Variants in KCNQ1 observed in about 807,000 individuals in gnomAD.
KCNQ1 encodes the protein potassium voltage-gated channel subfamily Q member 1, also known as potassium voltage-gated channel subfamily KQT member 1.
Under a neutral mutation model 72.4 loss-of-function variants are expected in KCNQ1, and 49 were observed. The observed-to-expected ratio is 0.68, with a 90% CI of 0.54 to 0.86. KCNQ1 has a LOEUF of 0.86. Among genes scored for constraint, KCNQ1 ranks in the 40% least tolerant of loss-of-function variants. KCNQ1 has a pLI of 0.00. For synonymous variants in KCNQ1, 450 were observed against 412.6 expected, an observed-to-expected ratio of 1.09 and a Z score of -1.10; for missense variants, 790 against 945.1, an observed-to-expected ratio of 0.84 and a Z score of 2.15.
intron 1 of KCNQ1, 63 bp downstream of exon 1, chr11:2,445,547 C>T (rs1238975262): frequency 9.7e-6 from 15 of 1,549,836 alleles, no homozygotes; most frequent in African/African-American, 1.3e-5. Flanking sequence ...TGTGGGGGAG[C>T]TCTGTCCCAG....
intron 11 of KCNQ1, among the ~76,000 whole-genome samples, chr11:2,741,457 G>A (rs1285112130): frequency 2.0e-5 from 3 of 152,122 alleles, no homozygotes; most frequent in Non-Finnish European, 4.4e-5. Flanking sequence ...ACGCACAAAC[G>A]CATGCCCAGT....
chr11:2,638,192 T>C (rs1849509103), intron 10 of KCNQ1: 1 of 152,234 alleles, frequency 6.6e-6, no homozygotes, highest in South Asian at 2.1e-4. Context: ...AAGGTTAATA[T>C]TGTTATGTGT....
At position 2,785,454 on chromosome 11, in the gene KCNQ1, T is replaced by C. The variant is rs1846892904; in HGVS notation, c.1794+7417T>C. 6.6e-6 allele frequency among the ~76,000 whole-genome samples: 1 copy of C among 151,922 alleles called. No individual in the cohort carries two copies. Among genetic ancestry groups the C allele is most frequent in the Non-Finnish European group, 1.5e-5 (1 of 67,814 alleles). On this transcript the variant is annotated intron_variant, in intron 15 of 15. Transcript: ENST00000155840. This position sits in a 1 kb window ranked among gnomAD's most constrained non-coding sequence, Gnocchi z 4.4. ...GCTGATTGAAAGAAAAAAAAAAGAA[T>C]GTACTTTATATTCATAAAGGATACT...
rs970024540 is a variant in KCNQ1, at chr11:2,477,990, C to G, written c.386+32506C>G. 2.0e-5 allele frequency among the ~76,000 whole-genome samples: 3 copies of G among 152,116 alleles called. No homozygotes were observed. The highest frequency in any genetic ancestry group is 2.9e-5 in the Non-Finnish European group (2 of 68,040). ...GTCTCCCACCACCACTTACTAGTTA[C>G]AAAGGAAAAAGAATCACTTTCTAGA... On this transcript the variant is annotated intron_variant, in intron 1 of 15. Coordinates refer to ENST00000155840, the MANE Select transcript of KCNQ1 (RefSeq NM_000218.3). The surrounding 1 kb of genome is among the most constrained non-coding windows in gnomAD (Gnocchi z 5.0).
intron 15 of KCNQ1, among the ~76,000 whole-genome samples, chr11:2,796,812 G>A (rs1016222105): frequency 2.0e-5 from 3 of 152,198 alleles, no homozygotes; most frequent in South Asian, 2.1e-4. Context: ...CCACTGCTGC[G>A]CCGTCCCTCC....
intron 11 of KCNQ1, among the ~76,000 whole-genome samples, chr11:2,738,059 T>C (rs1845988289): frequency 6.6e-6 from 1 of 152,102 alleles, no homozygotes; most frequent in East Asian, 1.9e-4. Flanking sequence ...GGGCCGAGCC[T>C]GGCCTGGACT....
In KCNQ1 at chr11:2,647,546, A is replaced by G. The variant is rs1849685083; in HGVS notation, c.1394-14415A>G. ...AGTTAGGGAGAATTCCTTTCTCTTCAGTCTTTTGGAATTGTCTGAGAAGAA... is the reference window on the plus strand; with the variant it reads ...AGTTAGGGAGAATTCCTTTCTCTTCGGTCTTTTGGAATTGTCTGAGAAGAA... On this transcript the variant is annotated intron_variant, in intron 10 of 15. Transcript: ENST00000155840. This position sits in a 1 kb window ranked among gnomAD's most constrained non-coding sequence, Gnocchi z 4.0. 5.0e-6 allele frequency: 2 copies of G among 398,434 alleles called. No individual in the cohort carries two copies. The highest frequency in any genetic ancestry group is 2.5e-4 in the South Asian group (2 of 7,862). 24.7% of individuals were successfully genotyped at this position (398,434 alleles called of 1,614,324 possible).
intron 11 of KCNQ1, among the ~76,000 whole-genome samples, chr11:2,707,278 G>A (rs1362650255): frequency 1.3e-5 from 2 of 152,164 alleles, no homozygotes; most frequent in African/African-American, 4.8e-5. Flanking sequence ...CCAGAAGCAG[G>A]GATTGCTTCT....
At chr11:2,739,967 G>A (rs1394237222) in intron 11 of KCNQ1, among the ~76,000 whole-genome samples, 7 of 152,242 alleles carry the variant, frequency 4.6e-5, no homozygotes, top group East Asian at 3.8e-4. Flanking sequence ...TGAGCCATGC[G>A]GCAGTAGCCC....
Position 2,623,278 on chromosome 11 carries a change from T to C in KCNQ1, c.1393+34424T>C. On this transcript the variant is annotated intron_variant, in intron 10 of 15. Transcript: ENST00000155840. The surrounding 1 kb of genome is among the most constrained non-coding windows in gnomAD (Gnocchi z 5.2). ...TCAATTAAACCTCTTTTCTCACAAA[T>C]TACCCAGTCTCAGGTAGTTCTTTAT... is the stretch of plus-strand genomic sequence containing the variant. 2.5e-6 allele frequency: 1 copy of C among 398,790 alleles called. No homozygotes were observed. The highest frequency in any genetic ancestry group is 4.4e-6 in the Non-Finnish European group (1 of 226,144). 24.7% of individuals were successfully genotyped at this position (398,790 alleles called of 1,614,324 possible). A position where few individuals can be genotyped will look rare whatever the true frequency, so the allele number is the denominator to read the frequency against.
At chr11:2,749,943 G>C (rs571814183) in intron 11 of KCNQ1, among the ~76,000 whole-genome samples, 24 of 147,042 alleles carry the variant, frequency 1.6e-4, no homozygotes, top group African/African-American at 6.1e-4. Flanking sequence ...CTGGGCAACA[G>C]AGTGAGACTC....
rs1013998258 is a variant in KCNQ1, at chr11:2,507,581, G to T, written c.387-20347G>T. ...CTTTCTGTTTCTGACATGGGTCAGG[G>T]TTGGGGCGAAGGAGTCCAGCTGGGG... On this transcript the variant is annotated intron_variant, in intron 1 of 15. Coordinates refer to ENST00000155840, the MANE Select transcript of KCNQ1 (RefSeq NM_000218.3). This position sits in a 1 kb window ranked among gnomAD's most constrained non-coding sequence, Gnocchi z 5.4. Among the ~76,000 whole-genome samples the T allele has an allele frequency of 3.9e-5, 6 of 152,326 alleles. No individual in the cohort carries two copies. The highest frequency in any genetic ancestry group is 2.1e-4 in the South Asian group (1 of 4,820).
chr11:2,691,755 G>C lies in KCNQ1; in HGVS notation c.1514+29674G>C. On this transcript the variant is annotated intron_variant, in intron 11 of 15. Transcript: ENST00000155840. This position sits in a 1 kb window ranked among gnomAD's most constrained non-coding sequence, Gnocchi z 6.4. ...CACACAGGCAGGGGACATTCCACTA[G>C]GGCCATTTGCAGGCCAGTGGCCATC... 2.5e-6 allele frequency: 1 copy of C among 398,692 alleles called. No homozygotes were observed. Among genetic ancestry groups the C allele is most frequent in the Admixed American group, 4.4e-5 (1 of 22,742 alleles). 24.7% of individuals were successfully genotyped at this position (398,692 alleles called of 1,614,324 possible). A position where few individuals can be genotyped will look rare whatever the true frequency, so the allele number is the denominator to read the frequency against.
At position 2,654,296 on chromosome 11, in the gene KCNQ1, G is replaced by T; in HGVS notation, c.1394-7665G>T. 2.5e-6 allele frequency: 1 copy of T among 398,846 alleles called. No homozygotes were observed. The highest frequency in any genetic ancestry group is 1.3e-4 in the South Asian group (1 of 7,858). 24.7% of individuals were successfully genotyped at this position (398,846 alleles called of 1,614,324 possible). ...AGGGCTTTGGTGAATCCACTGAGAGGGGGAGATTTCTTGAGGGGGCCAGGG... is the reference window on the plus strand; with the variant it reads ...AGGGCTTTGGTGAATCCACTGAGAGTGGGAGATTTCTTGAGGGGGCCAGGG... On this transcript the variant is annotated intron_variant, in intron 10 of 15. Coordinates refer to ENST00000155840, the MANE Select transcript of KCNQ1 (RefSeq NM_000218.3). The surrounding 1 kb of genome is among the most constrained non-coding windows in gnomAD (Gnocchi z 6.4).
intron 11 of KCNQ1, among the ~76,000 whole-genome samples, chr11:2,749,488 T>C (rs1439841917): frequency 6.6e-6 from 1 of 151,908 alleles, no homozygotes; most frequent in Non-Finnish European, 1.5e-5. Context: ...ACAACGGGAA[T>C]GATCGAGGAG....
intron 1 of KCNQ1, among the ~76,000 whole-genome samples, chr11:2,523,574 G>A (rs544161578): frequency 2.0e-5 from 3 of 152,158 alleles, no homozygotes; most frequent in Non-Finnish European, 2.9e-5. Flanking sequence ...CAAACAGCAC[G>A]AGAATCGAAA....
At chr11:2,662,895 C>T (rs1052829936) in intron 11 of KCNQ1, 11 of 398,628 alleles carry the variant, frequency 2.8e-5, no homozygotes, top group Non-Finnish European at 3.5e-5. Context: ...GTTCTTTGGA[C>T]TCTCTGGGGG....
At chr11:2,761,877 G>A (rs1174046003) in intron 11 of KCNQ1, among the ~76,000 whole-genome samples, 1 of 152,278 alleles carries the variant, frequency 6.6e-6, no homozygotes, top group Non-Finnish European at 1.5e-5. Flanking sequence ...GTTCTAGGGA[G>A]TTGGCAGGAG....
chr11:2,584,529 G>GTT (rs879342248), intron 7 of KCNQ1, among the ~76,000 whole-genome samples: 12,012 of 149,958 alleles, frequency 0.08, 586 homozygotes, highest in East Asian at 0.17. Flanking sequence ...GTGTTAGTGT[G>GTT]TGTGTTAGTA....
Sources: gnomAD v4.1 joint callset for allele counts (sites outside exome capture counted in the v4.1 genomes callset) on GRCh38, gnomAD v4.1.1 for gene constraint, Gnocchi (gnomAD v3.1) non-coding constraint, MANE v1.5 for transcripts, NCBI Gene and HGNC (gene_info 2026-07-23, HGNC 2026-07-21) for gene names.